The following NFX1 variants were observed in gnomAD, a reference collection of about 807,000 sequenced individuals.
NFX1 encodes the protein nuclear transcription factor, X-box binding 1.
Under a neutral mutation model 137.2 loss-of-function variants are expected in NFX1, and 69 were observed. The ratio of observed to expected loss-of-function variants is 0.50; its 90% confidence interval spans 0.41 to 0.61. The LOEUF (loss-of-function observed/expected upper bound fraction) is 0.61. Ranked by LOEUF, NFX1 falls within the 20% of genes least tolerant of loss-of-function variation. NFX1 has a pLI of 0.00. For missense variants in NFX1, 1,167 were observed against 1,391.0 expected, an observed-to-expected ratio of 0.84 and a Z score of 2.56; for synonymous variants, 495 against 474.1, an observed-to-expected ratio of 1.04 and a Z score of -0.57.
chr9:33,300,273 C>T (rs1212809578), intron 2 of NFX1, among the ~76,000 whole-genome samples: 1 of 151,820 alleles, frequency 6.6e-6, no homozygotes, highest in African/African-American at 2.4e-5. Flanking sequence ...CCATGTTGGC[C>T]AGGATGGTCT....
intron 15 of NFX1, among the ~76,000 whole-genome samples, chr9:33,349,444 A>G (rs556312027): frequency 2.0e-5 from 3 of 152,300 alleles, no homozygotes; most frequent in African/African-American, 7.2e-5. Flanking sequence ...TAGAATGGGT[A>G]AGTGTTTAAT....
At chr9:33,300,628 G>A (rs1225859568) in intron 2 of NFX1, among the ~76,000 whole-genome samples, 1 of 152,156 alleles carries the variant, frequency 6.6e-6, no homozygotes, top group Non-Finnish European at 1.5e-5. Flanking sequence ...GTGGGTGAAG[G>A]TATTCAGGAA....
intron 19 of NFX1, among the ~76,000 whole-genome samples, chr9:33,355,740 G>T (rs1823789657): frequency 6.7e-6 from 1 of 150,160 alleles, no homozygotes; most frequent in African/African-American, 2.5e-5. Context: ...TGCCTCCCGG[G>T]TTCAAGCGAT....
intron 7 of NFX1, among the ~76,000 whole-genome samples, chr9:33,318,472 G>C (rs2118381997): frequency 6.6e-6 from 1 of 152,304 alleles, no homozygotes; most frequent in East Asian, 1.9e-4. Flanking sequence ...GTGCTGCAGA[G>C]GCACTATGAG....
At chr9:33,334,355 G>T (rs1822920757) in intron 11 of NFX1, among the ~76,000 whole-genome samples, 1 of 152,188 alleles carries the variant, frequency 6.6e-6, no homozygotes, top group Non-Finnish European at 1.5e-5. Context: ...TACTCGGGAG[G>T]CTGAGGCAGA....
At position 33,294,798 on chromosome 9, in the gene NFX1, A is replaced by C. The variant is rs756757277; in HGVS notation, c.404A>C (p.Glu135Ala). ...CAGACCTCAGATACAGCTGGATTAG[A>C]GAGCTCGACCAGATCAGAGAGTGGG... ...AEQTSDTAGLESSTRSESGTD... is the reference protein window; with the variant it reads ...AEQTSDTAGLASSTRSESGTD... The change falls in exon 2 of 24, where the codon GAG becomes GCG. Residue 135 changes from glutamate to alanine, a missense_variant. By Grantham distance (107) the Glu-to-Ala change is moderately radical. This residue lies in a region of NFX1 where 367 missense variants were observed against 386.7 expected (regional missense o/e 0.95). Transcript: ENST00000379540. The C allele has an allele frequency of 5.6e-6, 9 of 1,614,130 alleles. No individual in the cohort carries two copies. The highest frequency in any genetic ancestry group is 7.6e-6 in the Non-Finnish European group (9 of 1,180,036).
At chr9:33,361,196 A>G (rs1476721227) in intron 19 of NFX1, among the ~76,000 whole-genome samples, 1 of 152,268 alleles carries the variant, frequency 6.6e-6, no homozygotes, top group African/African-American at 2.4e-5. Flanking sequence ...ATATGGGAAC[A>G]TAATTAGAAG....
At chr9:33,327,578 G>T (rs558310001) in intron 9 of NFX1, among the ~76,000 whole-genome samples, 4 of 151,436 alleles carry the variant, frequency 2.6e-5, no homozygotes, top group African/African-American at 4.8e-5. Flanking sequence ...TGTTGGTCAG[G>T]CTGGTCTCAA....
intron 19 of NFX1, among the ~76,000 whole-genome samples, chr9:33,358,647 A>ATTTTTTTTTTTTT (rs61589629): frequency 2.1e-5 from 1 of 48,430 alleles, no homozygotes; most frequent in East Asian, 7.8e-4. Flanking sequence ...GAATGGCTTG[A>ATTTTTTTTTTTTT]TTTTTTTTTT....
At chr9:33,297,069 G>A (rs554222156) in intron 2 of NFX1, among the ~76,000 whole-genome samples, 4 of 152,244 alleles carry the variant, frequency 2.6e-5, no homozygotes, top group Non-Finnish European at 5.9e-5. Context: ...TTTGGTTCAA[G>A]TTTTATCCTC....
chr9:33,328,609 C>T lies in NFX1; in HGVS notation c.1935C>T (p.Cys645=). 6.2e-7 allele frequency: 1 copy of T among 1,611,438 alleles called. No homozygotes were observed. Among genetic ancestry groups the T allele is most frequent in the South Asian group, 1.1e-5 (1 of 90,880 alleles). Residue 645 remains cysteine (C), a synonymous_variant, in exon 10 of 24, where the codon TGC becomes TGT. Transcript: ENST00000379540. Reference sequence around the variant, plus strand: ...TCATTCATACCTGTGAAAAGCTCTGCCATGAAGGAGACTGTGGACCATGCT... The same window carrying T: ...TCATTCATACCTGTGAAAAGCTCTGTCATGAAGGAGACTGTGGACCATGCT... The part of the protein sequence containing the change: ...LDFIHTCEKL[C]HEGDCGPCSR...
At chr9:33,356,658 G>A (rs1325184670) in intron 19 of NFX1, among the ~76,000 whole-genome samples, 1 of 152,048 alleles carries the variant, frequency 6.6e-6, no homozygotes, top group African/African-American at 2.4e-5. Context: ...CAGTTGACCT[G>A]TACTGATTTT....
intron 21 of NFX1, chr9:33,364,987 C>A: frequency 7.3e-7 from 1 of 1,369,068 alleles, no homozygotes; most frequent in Non-Finnish European, 9.4e-7. Context: ...AAAAGATCTA[C>A]AGTCGGCTGG....
rs750544815 is a variant in NFX1, at chr9:33,362,692, GTTTTTTT to G, written c.2874-1296_2874-1290del. On this transcript the variant is annotated intron_variant, in intron 19 of 23. Coordinates refer to ENST00000379540, the MANE Select transcript of NFX1 (RefSeq NM_002504.6). Reference sequence around the variant, plus strand: ...TAGATGGTAGTAATAAGTTCCTGTGGTTTTTTTTTTTTTTTTTTTTTTTTTTTTGAGA... The same window carrying G: ...TAGATGGTAGTAATAAGTTCCTGTGGTTTTTTTTTTTTTTTTTTTTTGAGA... Among the ~76,000 whole-genome samples the G allele has an allele frequency of 6.3e-3, 607 of 96,290 alleles. 1 individual carries two copies. Among genetic ancestry groups the G allele is most frequent in the Non-Finnish European group, 9.4e-3 (498 of 52,730 alleles). 63.2% of individuals were successfully genotyped at this position (96,290 alleles called of 152,430 possible). A position where few individuals can be genotyped will look rare whatever the true frequency, so the allele number is the denominator to read the frequency against.
intron 7 of NFX1, among the ~76,000 whole-genome samples, chr9:33,317,432 AAAAG>A (rs932898504): frequency 6.0e-5 from 9 of 149,874 alleles, no homozygotes; most frequent in East Asian, 3.9e-4. Flanking sequence ...AAAAAAAAAA[AAAAG>A]AAAGAAAGAA....
intron 2 of NFX1, 82 bp from the exon 3 acceptor site, chr9:33,301,181 T>C: frequency 8.0e-7 from 1 of 1,249,522 alleles, no homozygotes; most frequent in Non-Finnish European, 1.1e-6. Flanking sequence ...CTTGAGTGAC[T>C]TGCTGATCCT....
At chr9:33,347,017 G>C in intron 14 of NFX1, 21 bp from the exon 15 acceptor site, 1 of 1,592,724 alleles carries the variant, frequency 6.3e-7, no homozygotes, top group Non-Finnish European at 8.6e-7. Context: ...TATTCCTAAA[G>C]TTACCTTTCT....
At position 33,294,938 on chromosome 9, in the gene NFX1, C is replaced by T; in HGVS notation, c.544C>T (p.Pro182Ser). Residue 182 changes from proline to serine, a missense_variant, in exon 2 of 24, where the codon CCA becomes TCA. Physicochemically the swap from Pro to Ser is moderately conservative, Grantham distance 74 (BLOSUM62 -1). Coordinates refer to ENST00000379540, the MANE Select transcript of NFX1 (RefSeq NM_002504.6). Reference protein sequence around the residue: ...TQFVYSYGRGPKVKGKLKCEW... With the variant: ...TQFVYSYGRGSKVKGKLKCEW... ...GTTTGTATACAGCTATGGTAGAGGACCAAAAGTCAAGGGGAAACTCAAATG... is the reference window on the plus strand; with the variant it reads ...GTTTGTATACAGCTATGGTAGAGGATCAAAAGTCAAGGGGAAACTCAAATG... 1.2e-6 allele frequency: 2 copies of T among 1,614,000 alleles called. No individual in the cohort carries two copies. Among genetic ancestry groups the T allele is most frequent in the East Asian group, 2.2e-5 (1 of 44,880 alleles).
chr9:33,301,127 C>T, intron 2 of NFX1, 136 bp from the exon 3 acceptor site: 1 of 802,516 alleles, frequency 1.2e-6, no homozygotes, highest in Non-Finnish European at 1.9e-6. Flanking sequence ...GCTGCCTTAC[C>T]CAGAATCAGA....
Sources: gnomAD v4.1 joint callset for allele counts (sites outside exome capture counted in the v4.1 genomes callset) on GRCh38, gnomAD v4.1.1 for gene constraint, gnomAD v4.1.1 regional missense constraint, MANE v1.5 for transcripts, NCBI Gene and HGNC (gene_info 2026-07-23, HGNC 2026-07-21) for gene names.